The following CSNK2A2IP variants were observed in gnomAD, a reference collection of about 807,000 sequenced individuals.
The protein encoded by CSNK2A2IP is casein kinase II subunit alpha'-interacting protein.
the CSNK2A2IP span, among the ~76,000 whole-genome samples, chr3:88,449,874 T>TATATATAGAGAGAGAGAGAGAG: frequency 1.0e-4 from 7 of 70,108 alleles, no homozygotes; most frequent in African/African-American, 2.3e-4. Flanking sequence ...TATATATATA[T>TATATATAGAGAGAGAGAGAGAG]AGAGAGAGAG....
chr3:88,412,935 A>G, the CSNK2A2IP span, among the ~76,000 whole-genome samples: 1 of 152,046 alleles, frequency 6.6e-6, no homozygotes, highest in Non-Finnish European at 1.5e-5. Context: ...GCACGTGGCT[A>G]TATATGAATT....
chr3:88,357,604 G>C, the CSNK2A2IP span, among the ~76,000 whole-genome samples: 1 of 152,000 alleles, frequency 6.6e-6, no homozygotes, highest in Non-Finnish European at 1.5e-5. Flanking sequence ...ATTATTTTTT[G>C]ATTTATGTGA....
the CSNK2A2IP span, among the ~76,000 whole-genome samples, chr3:88,377,106 G>A: frequency 1.0e-3 from 157 of 151,890 alleles, 1 homozygote; most frequent in African/African-American, 3.7e-3. Flanking sequence ...AATTAGCAAT[G>A]GGTTGGTGAT....
chr3:88,348,157 C>A, the CSNK2A2IP span, among the ~76,000 whole-genome samples: 1 of 151,150 alleles, frequency 6.6e-6, no homozygotes, highest in African/African-American at 2.4e-5. Flanking sequence ...TACAAATTGT[C>A]CTTTGACCAT....
chr3:88,393,838 G>A, the CSNK2A2IP span, among the ~76,000 whole-genome samples: 1 of 152,148 alleles, frequency 6.6e-6, no homozygotes, highest in Non-Finnish European at 1.5e-5. Flanking sequence ...TGGGTGCCAA[G>A]GTTATTAGTG....
chr3:88,346,636 A>G, the CSNK2A2IP span, among the ~76,000 whole-genome samples: 2 of 152,042 alleles, frequency 1.3e-5, no homozygotes, highest in Non-Finnish European at 2.9e-5. Context: ...TTTAATGCCA[A>G]TGTTGAGAAC....
the CSNK2A2IP span, among the ~76,000 whole-genome samples, chr3:88,452,645 A>T: frequency 6.6e-6 from 1 of 152,168 alleles, no homozygotes; most frequent in African/African-American, 2.4e-5. Flanking sequence ...GAATTTACTC[A>T]AATCCCTTAT....
At chr3:88,386,394 G>A in the CSNK2A2IP span, among the ~76,000 whole-genome samples, 1 of 152,190 alleles carries the variant, frequency 6.6e-6, no homozygotes, top group Non-Finnish European at 1.5e-5. Context: ...TCAAAATGCT[G>A]GGATTACCGG....
the CSNK2A2IP span, among the ~76,000 whole-genome samples, chr3:88,457,725 T>TAAAAC: frequency 5.4e-5 from 8 of 148,944 alleles, no homozygotes; most frequent in South Asian, 1.5e-3. Flanking sequence ...TAAAATAAAA[T>TAAAAC]AAAATAAAAT....
the CSNK2A2IP span, among the ~76,000 whole-genome samples, chr3:88,342,040 G>T: frequency 1.3e-5 from 2 of 151,830 alleles, no homozygotes; most frequent in African/African-American, 4.8e-5. Context: ...TTTTTTAAGT[G>T]TTTTTGTTTG....
the CSNK2A2IP span, among the ~76,000 whole-genome samples, chr3:88,362,176 G>C: frequency 6.6e-6 from 1 of 151,982 alleles, no homozygotes; most frequent in Non-Finnish European, 1.5e-5. Context: ...TTGATATCTG[G>C]TCATTGAAGA....
the CSNK2A2IP span, among the ~76,000 whole-genome samples, chr3:88,456,534 T>C: frequency 2.6e-5 from 4 of 152,084 alleles, no homozygotes; most frequent in Admixed American, 2.6e-4. Flanking sequence ...CTGATTTTTG[T>C]ATGTTTATTT....
chr3:88,424,812 T>TG, the CSNK2A2IP span, among the ~76,000 whole-genome samples: 15 of 151,596 alleles, frequency 9.9e-5, no homozygotes, highest in Non-Finnish European at 1.6e-4. Context: ...AACAAAGCTT[T>TG]TTTTTTCTTT....
At chr3:88,377,550 G>T in the CSNK2A2IP span, among the ~76,000 whole-genome samples, 1 of 150,626 alleles carries the variant, frequency 6.6e-6, no homozygotes, top group Non-Finnish European at 1.5e-5. Context: ...TTCTGTTGAT[G>T]GCTTAACTTT....
the CSNK2A2IP span, among the ~76,000 whole-genome samples, chr3:88,449,860 T>C: frequency 4.2e-3 from 197 of 46,812 alleles, 1 homozygote; most frequent in East Asian, 0.025. Flanking sequence ...CACACATATA[T>C]ATATATATAT....
chr3:88,441,732 T>C, the CSNK2A2IP span, among the ~76,000 whole-genome samples: 1 of 152,192 alleles, frequency 6.6e-6, no homozygotes, highest in Admixed American at 6.5e-5. Context: ...GTGATTTAGA[T>C]GTAAAGTCTT....
At chr3:88,405,909 C>T in the CSNK2A2IP span, among the ~76,000 whole-genome samples, 3 of 152,020 alleles carry the variant, frequency 2.0e-5, no homozygotes, top group Non-Finnish European at 4.4e-5. Flanking sequence ...ATCAACTTTG[C>T]CATGTACTAG....
the CSNK2A2IP span, among the ~76,000 whole-genome samples, chr3:88,425,797 C>T: frequency 6.6e-6 from 1 of 151,984 alleles, no homozygotes; most frequent in South Asian, 2.1e-4. Flanking sequence ...GCTTTTCCAC[C>T]AAGATTATTT....
At chr3:88,390,347 G>A in the CSNK2A2IP span, among the ~76,000 whole-genome samples, 1 of 152,138 alleles carries the variant, frequency 6.6e-6, no homozygotes, top group East Asian at 1.9e-4. Context: ...AAAGATAAAA[G>A]CTCTATCCAA....
Sources: gnomAD v4.1 joint callset for allele counts (sites outside exome capture counted in the v4.1 genomes callset) on GRCh38, gnomAD v4.1.1 for gene constraint, MANE v1.5 for transcripts, NCBI Gene and HGNC (gene_info 2026-07-23, HGNC 2026-07-21) for gene names.